Variants in PIP5K1C observed in about 807,000 individuals in gnomAD.
PIP5K1C encodes the protein phosphatidylinositol 4-phosphate 5-kinase type-1 gamma.
A neutral mutation model predicts 80.1 loss-of-function variants in PIP5K1C; 45 were observed. The observed-to-expected ratio is 0.56, with a 90% confidence interval of 0.44 to 0.72. The LOEUF (loss-of-function observed/expected upper bound fraction) is 0.72, where lower values mean the gene tolerates loss of function less well. PIP5K1C is among the 30% of genes least tolerant of loss of function. PIP5K1C has a pLI of 0.00. For missense variants in PIP5K1C, 753 were observed against 954.6 expected, an observed-to-expected ratio of 0.79 and a Z score of 2.78; for synonymous variants, 498 against 420.1, an observed-to-expected ratio of 1.19 and a Z score of -2.27.
At chr19:3,673,583 G>C in intron 1 of PIP5K1C, among the ~76,000 whole-genome samples, 1 of 152,234 alleles carries the variant, frequency 6.6e-6, no homozygotes, top group Non-Finnish European at 1.5e-5. Context: ...CCCCAGGACA[G>C]GTGCAGGCTC....
chr19:3,649,030 T>C (rs946080161), intron 8 of PIP5K1C, among the ~76,000 whole-genome samples: 1 of 152,038 alleles, frequency 6.6e-6, no homozygotes, highest in Admixed American at 6.6e-5. Context: ...GGGTCTCAGG[T>C]ACAGACTGGG....
At chr19:3,670,637 C>G (rs976257119) in intron 1 of PIP5K1C, among the ~76,000 whole-genome samples, 3 of 152,216 alleles carry the variant, frequency 2.0e-5, no homozygotes, top group Admixed American at 2.0e-4. Context: ...AGCCCAGGAC[C>G]TCACACGGAG....
At position 3,648,142 on chromosome 19, in the gene PIP5K1C, G is replaced by A. The variant is rs932033915; in HGVS notation, c.1211+483C>T. On this transcript the variant is annotated intron_variant, in intron 9 of 17. Coordinates refer to ENST00000335312, the MANE Select transcript of PIP5K1C (RefSeq NM_012398.3). This position sits in a 1 kb window ranked among gnomAD's most constrained non-coding sequence, Gnocchi z 4.3. ...TGGGCCCAAGGAATCCTCCTGCCTC[G>A]GCCTCCCAAGTAGCTGGGACTGCAG... Among the ~76,000 whole-genome samples the A allele has an allele frequency of 5.9e-5, 9 of 151,770 alleles. No homozygotes were observed. The highest frequency in any genetic ancestry group is 3.3e-4 in the Admixed American group (5 of 15,236).
intron 8 of PIP5K1C, among the ~76,000 whole-genome samples, chr19:3,651,212 C>T (rs971897226): frequency 1.7e-4 from 26 of 152,254 alleles, no homozygotes; most frequent in African/African-American, 4.6e-4. Flanking sequence ...CGTGCCACCA[C>T]GTCCAGCTAC....
chr19:3,684,329 G>A (rs1242991417), intron 1 of PIP5K1C, among the ~76,000 whole-genome samples: 2 of 152,162 alleles, frequency 1.3e-5, no homozygotes, highest in East Asian at 3.9e-4. Context: ...CACACAGATG[G>A]GGACACCTGC....
At chr19:3,678,479 G>A (rs1387393751) in intron 1 of PIP5K1C, among the ~76,000 whole-genome samples, 1 of 127,820 alleles carries the variant, frequency 7.8e-6, no homozygotes, top group African/African-American at 3.0e-5. Context: ...GAGGGATGGA[G>A]GAGGGATGGA....
At chr19:3,687,602 T>C (rs116472536) in intron 1 of PIP5K1C, among the ~76,000 whole-genome samples, 2,002 of 150,908 alleles carry the variant, frequency 0.013, 57 homozygotes, top group African/African-American at 0.046. Context: ...CACACATGCA[T>C]ACACGCACAC....
At chr19:3,666,209 GGTGCCTTGGGGACTGCTCCT>G in intron 2 of PIP5K1C, among the ~76,000 whole-genome samples, 1 of 152,362 alleles carries the variant, frequency 6.6e-6, no homozygotes, top group South Asian at 2.1e-4. Context: ...AGGTGGGACA[GGTGCCTTGGGGACTGCTCCT>G]GTGAATGGGG....
rs930787321 is a variant in PIP5K1C, at chr19:3,637,712, G to A, written c.1920+1172C>T. ...GGTCGGGTGGGAGAGGCGGAGGGAG[G>A]TGGCGGGGAGCAGGTGGGGACAGCT... On this transcript the variant is annotated intron_variant, in intron 16 of 17. Coordinates refer to ENST00000335312, the MANE Select transcript of PIP5K1C (RefSeq NM_012398.3). This position sits in a 1 kb window ranked among gnomAD's most constrained non-coding sequence, Gnocchi z 7.0. 1.9e-5 allele frequency: 29 copies of A among 1,512,196 alleles called. No homozygotes were observed. Among genetic ancestry groups the A allele is most frequent in the Middle Eastern group, 2.3e-4 (1 of 4,394 alleles). The allele number at this position is 1,512,196 out of a possible 1,614,324, so 93.7% of individuals were successfully genotyped here.
At chr19:3,641,863 AC>A (rs1318895001) in intron 14 of PIP5K1C, 54 bp from the exon 15 acceptor site, 4 of 1,441,258 alleles carry the variant, frequency 2.8e-6, no homozygotes, top group Non-Finnish European at 2.9e-6. Context: ...CCCCCATCCT[AC>A]CCCCAGGAGT....
intron 5 of PIP5K1C, among the ~76,000 whole-genome samples, chr19:3,658,121 G>A (rs2034700576): frequency 1.3e-5 from 2 of 152,196 alleles, no homozygotes; most frequent in Admixed American, 6.5e-5. Context: ...TCCCTCCTTG[G>A]GCTCAAGTCA....
At chr19:3,679,849 C>T (rs926868083) in intron 1 of PIP5K1C, among the ~76,000 whole-genome samples, 5 of 152,210 alleles carry the variant, frequency 3.3e-5, no homozygotes, top group African/African-American at 1.2e-4. Flanking sequence ...GCATGGTGGA[C>T]GGAGTGGTGG....
chr19:3,687,617 G>A (rs918859109), intron 1 of PIP5K1C, among the ~76,000 whole-genome samples: 20 of 151,426 alleles, frequency 1.3e-4, no homozygotes, highest in East Asian at 1.9e-4. Flanking sequence ...GCACACACAC[G>A]CACAGGCCCT....
chr19:3,685,092 C>T (rs564438525), intron 1 of PIP5K1C, among the ~76,000 whole-genome samples: 1 of 152,232 alleles, frequency 6.6e-6, no homozygotes, highest in South Asian at 2.1e-4. Flanking sequence ...GAAAAGAAAA[C>T]AAACAGTGTG....
chr19:3,671,134 T>TC (rs1409433204), intron 1 of PIP5K1C, among the ~76,000 whole-genome samples: 2 of 151,966 alleles, frequency 1.3e-5, no homozygotes, highest in Non-Finnish European at 2.9e-5. Flanking sequence ...GGCCCGGGCG[T>TC]CCCCCTGCTC....
chr19:3,636,977 A>G, intron 16 of PIP5K1C: 1 of 1,022,592 alleles, frequency 9.8e-7, no homozygotes, highest in African/African-American at 1.7e-5. Flanking sequence ...GATTTTGACT[A>G]AACCGTGTGG....
intron 1 of PIP5K1C, among the ~76,000 whole-genome samples, chr19:3,677,257 G>A (rs959834746): frequency 5.3e-5 from 8 of 152,154 alleles, no homozygotes; most frequent in African/African-American, 1.9e-4. Context: ...ACTAGAAAAA[G>A]AGAAAGGAAT....
At chr19:3,687,806 G>A (rs1377201689) in intron 1 of PIP5K1C, among the ~76,000 whole-genome samples, 1 of 152,196 alleles carries the variant, frequency 6.6e-6, no homozygotes, top group Non-Finnish European at 1.5e-5. Context: ...TCCCCGCAGG[G>A]CATAGAGTGA....
chr19:3,653,594 C>T lies in PIP5K1C; in HGVS notation c.622-5G>A, dbSNP rs377437898. 46 of 1,604,094 alleles carry T rather than the reference C, an allele frequency of 2.9e-5. No individual in the cohort carries two copies. The Middle Eastern group carries it at 1.2e-3, about 41-fold the overall frequency. On this transcript the variant is annotated splice_polypyrimidine_tract_variant and splice_region_variant and intron_variant, in intron 6 of 17. Coordinates refer to ENST00000335312, the MANE Select transcript of PIP5K1C (RefSeq NM_012398.3). The stretch of plus-strand genomic sequence containing the variant: ...CCGCGGGTTCTGGTTGAGGTTCTGC[C>T]GGGGGAAGAGGGCAAGTCGTGGAGG...
Sources: allele counts gnomAD v4.1 joint callset (sites outside exome capture counted in the v4.1 genomes callset), GRCh38; gene constraint gnomAD v4.1.1; non-coding constraint Gnocchi (gnomAD v3.1); transcripts MANE v1.5; gene names NCBI Gene and HGNC (gene_info 2026-07-23, HGNC 2026-07-21).